PTPRR: variants seen among roughly 807,000 people sequenced by gnomAD.
PTPRR encodes receptor-type tyrosine-protein phosphatase R.
Under a neutral mutation model 77.2 loss-of-function variants are expected in PTPRR, and 38 were observed. The observed-to-expected ratio is 0.49, with a 90% CI of 0.38 to 0.65. PTPRR has a LOEUF of 0.65. PTPRR is among the 30% of genes least tolerant of loss of function. The probability of loss-of-function intolerance (pLI) is 0.00; values close to 1 mark genes in which losing one functional copy is unlikely to be tolerated. For synonymous variants in PTPRR, 299 were observed against 283.1 expected (o/e 1.06, Z -0.57); for missense variants, 744 against 799.2 (o/e 0.93, Z 0.83).
At chr12:70,700,579 T>A (rs1257335688) in intron 7 of PTPRR, among the ~76,000 whole-genome samples, 2 of 152,162 alleles carry the variant, frequency 1.3e-5, no homozygotes, top group Non-Finnish European at 2.9e-5. Flanking sequence ...TCTTGTAGAT[T>A]CCTACAGATT....
intron 13 of PTPRR, among the ~76,000 whole-genome samples, chr12:70,651,610 T>G (rs1388800218): frequency 1.3e-5 from 2 of 152,196 alleles, no homozygotes; most frequent in Admixed American, 6.5e-5. Flanking sequence ...CATTGCATTT[T>G]GTTTTTAAGA....
chr12:70,845,727 A>G (rs989748309), intron 2 of PTPRR, among the ~76,000 whole-genome samples: 5 of 152,242 alleles, frequency 3.3e-5, no homozygotes, highest in Admixed American at 6.5e-5. Context: ...AAATGGTTGC[A>G]TGAATGCAAC....
chr12:70,673,060 A>T, intron 10 of PTPRR: 1 of 1,191,786 alleles, frequency 8.4e-7, no homozygotes, highest in Non-Finnish European at 1.1e-6. Context: ...GAAAGAAAGA[A>T]AGAAATATAT....
chr12:70,784,164 G>A (rs1891270473), intron 2 of PTPRR, among the ~76,000 whole-genome samples: 1 of 152,188 alleles, frequency 6.6e-6, no homozygotes, highest in Admixed American at 6.5e-5. Flanking sequence ...GGCAGCTGCA[G>A]CCTGGCCCAG....
intron 6 of PTPRR, among the ~76,000 whole-genome samples, chr12:70,715,818 G>T (rs1329295044): frequency 1.3e-5 from 2 of 152,024 alleles, no homozygotes; most frequent in South Asian, 2.1e-4. Context: ...TCAAACACAG[G>T]TACTCTACAA....
At chr12:70,665,662 G>A (rs377460550) in intron 10 of PTPRR, among the ~76,000 whole-genome samples, 15 of 151,510 alleles carry the variant, frequency 9.9e-5, no homozygotes, top group South Asian at 2.1e-4. Flanking sequence ...GATTATAGGC[G>A]TGAGCCACTG....
intron 1 of PTPRR, among the ~76,000 whole-genome samples, chr12:70,915,074 AG>A (rs1165772936): frequency 6.6e-6 from 1 of 152,226 alleles, no homozygotes; most frequent in African/African-American, 2.4e-5. Flanking sequence ...ACACAGCAGA[AG>A]ACCTAAAAGT....
At chr12:70,737,841 T>C (rs571699103) in intron 6 of PTPRR, among the ~76,000 whole-genome samples, 2 of 152,226 alleles carry the variant, frequency 1.3e-5, no homozygotes, top group Non-Finnish European at 2.9e-5. Context: ...AGATTTTAAC[T>C]TCCAGGGTAT....
intron 13 of PTPRR, among the ~76,000 whole-genome samples, chr12:70,653,599 T>TACGTA (rs1185048305): frequency 6.6e-6 from 1 of 152,202 alleles, no homozygotes; most frequent in Non-Finnish European, 1.5e-5. Flanking sequence ...TACAGGCACA[T>TACGTA]GTTAGGTTCC....
intron 2 of PTPRR, among the ~76,000 whole-genome samples, chr12:70,886,907 G>A (rs962297107): frequency 2.6e-5 from 4 of 151,956 alleles, no homozygotes. Context: ...ATTATAACTC[G>A]GGAAGAAAGA....
intron 2 of PTPRR, among the ~76,000 whole-genome samples, chr12:70,829,911 G>A (rs1481901592): frequency 6.6e-6 from 1 of 152,170 alleles, no homozygotes; most frequent in Admixed American, 6.5e-5. Context: ...GATACATTGA[G>A]CAGATACTTT....
rs1340362734 is a variant in PTPRR at position 70,656,837 on chromosome 12, A to G, written c.1767-20T>C. 1 of 1,526,102 alleles carries G rather than the reference A, an allele frequency of 6.6e-7. No homozygotes were observed. Among genetic ancestry groups the G allele is most frequent in the South Asian group, 1.1e-5 (1 of 87,266 alleles). The allele number at this position is 1,526,102 out of a possible 1,614,324, so 94.5% of individuals were successfully genotyped here. ...CCTGCACTGAAAAGAAAAGAAAAGA[A>G]ATTTAAAAAGTGGGGGAAAATGACA... On this transcript the variant is annotated intron_variant, in intron 12 of 13. Transcript: ENST00000283228.
At chr12:70,646,381 G>A (rs1333887463) in intron 13 of PTPRR, among the ~76,000 whole-genome samples, 1 of 152,100 alleles carries the variant, frequency 6.6e-6, no homozygotes, top group Non-Finnish European at 1.5e-5. Flanking sequence ...AAATAGATGT[G>A]TTCTAAAGTA....
intron 2 of PTPRR, among the ~76,000 whole-genome samples, chr12:70,855,738 T>A (rs1171355276): frequency 6.6e-6 from 1 of 152,210 alleles, no homozygotes; most frequent in Non-Finnish European, 1.5e-5. Flanking sequence ...GTTCAGAAAC[T>A]TTAGCATACT....
intron 6 of PTPRR, among the ~76,000 whole-genome samples, chr12:70,735,069 C>G (rs1168164116): frequency 6.6e-6 from 1 of 151,972 alleles, no homozygotes; most frequent in Non-Finnish European, 1.5e-5. Flanking sequence ...GTTCATAACC[C>G]TCCAGAATTC....
chr12:70,899,786 A>T (rs1893500134), intron 1 of PTPRR, among the ~76,000 whole-genome samples: 2 of 151,424 alleles, frequency 1.3e-5, no homozygotes, highest in Non-Finnish European at 3.0e-5. Flanking sequence ...TATATAAAAA[A>T]TCCCAAGGAA....
intron 2 of PTPRR, among the ~76,000 whole-genome samples, chr12:70,861,813 T>C (rs2137079524): frequency 6.6e-6 from 1 of 152,272 alleles, no homozygotes; most frequent in South Asian, 2.1e-4. Flanking sequence ...AGCACAACAC[T>C]GTGGATACAA....
intron 10 of PTPRR, among the ~76,000 whole-genome samples, chr12:70,666,105 TAGGTAGGGTGGGTAGC>T (rs1886983140): frequency 6.6e-6 from 1 of 152,104 alleles, no homozygotes; most frequent in Non-Finnish European, 1.5e-5. Context: ...TCCTTTGAAG[TAGGTAGGGTGGGTAGC>T]AGGTATTATT....
At chr12:70,701,103 C>T (rs746471508) in intron 7 of PTPRR, 34 bp downstream of exon 7, 72 of 1,608,658 alleles carry the variant, frequency 4.5e-5, no homozygotes, top group South Asian at 3.0e-4. Context: ...ATCAAAATAC[C>T]GACTGAAGAG....
Sources: gnomAD v4.1 joint callset for allele counts (sites outside exome capture counted in the v4.1 genomes callset) on GRCh38, gnomAD v4.1.1 for gene constraint, MANE v1.5 for transcripts, NCBI Gene and HGNC (gene_info 2026-07-23, HGNC 2026-07-21) for gene names.